The following PKNOX2 variants were observed in gnomAD, a reference collection of about 807,000 sequenced individuals.
PKNOX2 encodes the protein homeobox protein PKNOX2.
PKNOX2 carries 14 observed loss-of-function variants against 53.1 expected under a neutral mutation model. The ratio of observed to expected loss-of-function variants is 0.26; its 90% CI spans 0.17 to 0.41. PKNOX2 has a LOEUF of 0.41. Ranked by LOEUF, PKNOX2 falls within the 10% of genes least tolerant of loss-of-function variation. PKNOX2 has a pLI of 1.00. For synonymous variants in PKNOX2, 257 were observed against 242.8 expected, an observed-to-expected ratio of 1.06 and a Z score of -0.54; for missense variants, 496 against 602.8, an observed-to-expected ratio of 0.82 and a Z score of 1.85.
intron 4 of PKNOX2, among the ~76,000 whole-genome samples, chr11:125,365,743 T>C (rs1461690336): frequency 6.6e-6 from 1 of 152,248 alleles, no homozygotes; most frequent in Non-Finnish European, 1.5e-5. Flanking sequence ...TTCTAATCCA[T>C]GCAATTGTCC....
intron 10 of PKNOX2, among the ~76,000 whole-genome samples, chr11:125,417,721 G>C (rs1955964661): frequency 6.6e-6 from 1 of 152,056 alleles, no homozygotes; most frequent in Non-Finnish European, 1.5e-5. Context: ...GAGGCGTGGA[G>C]CCCCGTCCTG....
At chr11:125,328,607 A>G (rs1424484863) in intron 2 of PKNOX2, among the ~76,000 whole-genome samples, 1 of 152,110 alleles carries the variant, frequency 6.6e-6, no homozygotes, top group South Asian at 2.1e-4. Flanking sequence ...ATGTTAGCAA[A>G]GCTCCCAGGA....
intron 2 of PKNOX2, among the ~76,000 whole-genome samples, chr11:125,277,994 A>G (rs1591509707): frequency 6.6e-6 from 1 of 152,046 alleles, no homozygotes; most frequent in Non-Finnish European, 1.5e-5. Flanking sequence ...AGGCGGGAGG[A>G]TCTCTTGAGC....
chr11:125,393,102 G>A (rs568103098), intron 6 of PKNOX2, among the ~76,000 whole-genome samples: 3 of 150,898 alleles, frequency 2.0e-5, no homozygotes, highest in African/African-American at 4.9e-5. Flanking sequence ...GGAGCTTGCA[G>A]TGAGTCGAGA....
At chr11:125,246,887 C>A (rs971138896) in intron 2 of PKNOX2, among the ~76,000 whole-genome samples, 5 of 152,164 alleles carry the variant, frequency 3.3e-5, no homozygotes, top group African/African-American at 1.2e-4. Context: ...CTCACTTTCC[C>A]ATTCTCTCTC....
chr11:125,288,459 G>A (rs957607227), intron 2 of PKNOX2, among the ~76,000 whole-genome samples: 3 of 152,184 alleles, frequency 2.0e-5, no homozygotes, highest in Admixed American at 6.5e-5. Context: ...TGGTGAGCCC[G>A]AGGTCACACA....
At chr11:125,311,242 A>C (rs1276387628) in intron 2 of PKNOX2, among the ~76,000 whole-genome samples, 1 of 152,212 alleles carries the variant, frequency 6.6e-6, no homozygotes, top group Non-Finnish European at 1.5e-5. Context: ...CACATTCCCC[A>C]TTAGAAAGAC....
At chr11:125,220,186 CTATATT>C (rs1565472253) in intron 1 of PKNOX2, among the ~76,000 whole-genome samples, 3 of 152,090 alleles carry the variant, frequency 2.0e-5, no homozygotes, top group Admixed American at 6.5e-5. Context: ...AAACAAGAAT[CTATATT>C]TGTATTTGCT....
chr11:125,345,466 G>T (rs1304757733), intron 3 of PKNOX2, among the ~76,000 whole-genome samples: 1 of 152,040 alleles, frequency 6.6e-6, no homozygotes, highest in African/African-American at 2.4e-5. Context: ...ACCAAGCTCT[G>T]GCAGACACCC....
chr11:125,364,117 T>G (rs1952063302), intron 4 of PKNOX2, among the ~76,000 whole-genome samples: 1 of 152,208 alleles, frequency 6.6e-6, no homozygotes, highest in Non-Finnish European at 1.5e-5. Context: ...AAAACTTACT[T>G]CAAGCTATCC....
chr11:125,224,524 C>A (rs1409982071), intron 1 of PKNOX2, among the ~76,000 whole-genome samples: 1 of 152,348 alleles, frequency 6.6e-6, no homozygotes, highest in East Asian at 1.9e-4. Flanking sequence ...AAATCTCCCG[C>A]CCCTTGCCTG....
At chr11:125,267,954 T>C (rs1337746077) in intron 2 of PKNOX2, among the ~76,000 whole-genome samples, 1 of 152,070 alleles carries the variant, frequency 6.6e-6, no homozygotes, top group Non-Finnish European at 1.5e-5. Context: ...GATGGTAGGG[T>C]GTGAGAAGAA....
intron 1 of PKNOX2, among the ~76,000 whole-genome samples, chr11:125,190,758 G>A (rs1362266765): frequency 6.6e-6 from 1 of 152,142 alleles, no homozygotes; most frequent in African/African-American, 2.4e-5. Flanking sequence ...CATCCTTCAA[G>A]CCCAGCAGGG....
intron 2 of PKNOX2, among the ~76,000 whole-genome samples, chr11:125,236,451 G>A (rs558170157): frequency 6.6e-5 from 10 of 152,008 alleles, no homozygotes; most frequent in African/African-American, 1.9e-4. Flanking sequence ...TCTCCTCCTC[G>A]CATCGGAGGT....
chr11:125,182,882 A>C (rs1956231038), intron 1 of PKNOX2, among the ~76,000 whole-genome samples: 1 of 152,212 alleles, frequency 6.6e-6, no homozygotes, highest in Non-Finnish European at 1.5e-5. Flanking sequence ...GAGGGCCAGA[A>C]TCCTGGGGCT....
intron 10 of PKNOX2, among the ~76,000 whole-genome samples, chr11:125,416,372 C>G (rs973272239): frequency 1.3e-5 from 2 of 149,306 alleles, no homozygotes; most frequent in African/African-American, 5.0e-5. Flanking sequence ...AATCTGTCCA[C>G]GAGATCTTTC....
In PKNOX2 at chr11:125,422,611, C is replaced by T. The variant is rs1956225697; in HGVS notation, c.937-6401C>T. ...GCCTTGTCGACAACAGGCAAGTCAG[C>T]TGCAGGGTTGCATGGAGGCGCTGAA... On this transcript the variant is annotated intron_variant, in intron 10 of 12. Transcript: ENST00000298282. This position sits in a 1 kb window ranked among gnomAD's most constrained non-coding sequence, Gnocchi z 4.1. 1.3e-5 allele frequency among the ~76,000 whole-genome samples: 2 copies of T among 152,148 alleles called. No homozygotes were observed. The highest frequency in any genetic ancestry group is 2.9e-5 in the Non-Finnish European group (2 of 68,026).
chr11:125,270,925 G>A (rs1190912123), intron 2 of PKNOX2, among the ~76,000 whole-genome samples: 2 of 152,008 alleles, frequency 1.3e-5, no homozygotes, highest in Admixed American at 1.3e-4. Context: ...TGACTTGAAA[G>A]GCCTATGGGA....
chr11:125,325,678 G>A (rs1949784035), intron 2 of PKNOX2, among the ~76,000 whole-genome samples: 1 of 152,326 alleles, frequency 6.6e-6, no homozygotes, highest in East Asian at 1.9e-4. Flanking sequence ...CACATCTAAT[G>A]TAATACTATC....
Sources: allele counts gnomAD v4.1 joint callset (sites outside exome capture counted in the v4.1 genomes callset), GRCh38; gene constraint gnomAD v4.1.1; non-coding constraint Gnocchi (gnomAD v3.1); transcripts MANE v1.5; gene names NCBI Gene and HGNC (gene_info 2026-07-23, HGNC 2026-07-21).